Variants in DCDC2 observed in about 807,000 individuals in gnomAD.
The protein encoded by DCDC2 is doublecortin domain-containing protein 2.
Under a neutral mutation model 50.2 loss-of-function variants are expected in DCDC2, and 40 were observed. That is an observed-to-expected ratio of 0.80 (90% CI 0.62 to 1.04). DCDC2 has a LOEUF of 1.04. Among genes scored for constraint, DCDC2 ranks in the 50% least tolerant of loss-of-function variants. DCDC2 has a pLI of 0.00. For missense variants in DCDC2, 570 were observed against 581.9 expected (o/e 0.98, Z 0.21); for synonymous variants, 234 against 210.6 (o/e 1.11, Z -0.96).
At chr6:24,323,512 G>C (rs1759807382) in intron 2 of DCDC2, among the ~76,000 whole-genome samples, 1 of 152,202 alleles carries the variant, frequency 6.6e-6, no homozygotes, top group Admixed American at 6.5e-5. Flanking sequence ...AAGGAACTGG[G>C]TGAAGTAAGG....
intron 7 of DCDC2, among the ~76,000 whole-genome samples, chr6:24,234,202 T>C (rs887152648): frequency 4.0e-5 from 6 of 148,820 alleles, no homozygotes; most frequent in African/African-American, 7.4e-5. Flanking sequence ...GTTGGCCGTA[T>C]GAGGAAGGAG....
At chr6:24,321,320 G>T (rs147506205) in intron 2 of DCDC2, among the ~76,000 whole-genome samples, 117 of 152,228 alleles carry the variant, frequency 7.7e-4, no homozygotes, top group African/African-American at 2.6e-3. Flanking sequence ...CAGTATATTT[G>T]CATAGTCTCA....
chr6:24,317,151 A>C (rs1759686348), intron 2 of DCDC2, among the ~76,000 whole-genome samples: 2 of 152,226 alleles, frequency 1.3e-5, no homozygotes, highest in South Asian at 2.1e-4. Context: ...TATGAAATCC[A>C]ATTGTTTGAA....
intron 7 of DCDC2, among the ~76,000 whole-genome samples, chr6:24,223,656 C>T (rs539848954): frequency 1.4e-4 from 22 of 152,198 alleles, no homozygotes; most frequent in East Asian, 5.8e-4. Flanking sequence ...TTTGCATATC[C>T]GACTTACCTC....
chr6:24,282,259 T>TG (rs1763491663), intron 6 of DCDC2, among the ~76,000 whole-genome samples: 1 of 150,992 alleles, frequency 6.6e-6, no homozygotes, highest in African/African-American at 2.5e-5. Context: ...TGTTTTGTTT[T>TG]TTTTTGAGAC....
intron 4 of DCDC2, 89 bp downstream of exon 4, chr6:24,301,626 C>G (rs1759376775): frequency 5.9e-6 from 9 of 1,518,172 alleles, no homozygotes; most frequent in Non-Finnish European, 8.0e-6. Flanking sequence ...AGCCAAAATT[C>G]AAATCCACAG....
chr6:24,216,957 G>A (rs530970757), intron 7 of DCDC2, among the ~76,000 whole-genome samples: 6 of 152,274 alleles, frequency 3.9e-5, no homozygotes, highest in South Asian at 2.1e-4. Context: ...CAGGGGCTGC[G>A]AGGAAGTAGA....
At chr6:24,255,367 A>G (rs1762879710) in intron 7 of DCDC2, among the ~76,000 whole-genome samples, 1 of 139,322 alleles carries the variant, frequency 7.2e-6, no homozygotes, top group Admixed American at 7.1e-5. Flanking sequence ...AAGTCATAGC[A>G]CTGAAAAAAA....
chr6:24,216,621 G>A (rs1441705601), intron 7 of DCDC2, among the ~76,000 whole-genome samples: 1 of 152,234 alleles, frequency 6.6e-6, no homozygotes, highest in African/African-American at 2.4e-5. Context: ...CATCAAGACA[G>A]TCAGGGATGA....
At chr6:24,291,748 G>C (rs1049118377) in intron 4 of DCDC2, among the ~76,000 whole-genome samples, 1 of 152,006 alleles carries the variant, frequency 6.6e-6, no homozygotes, top group Admixed American at 6.5e-5. Context: ...GCCTCCCAAA[G>C]TGCTGGGATT....
At chr6:24,373,933 C>G in the DCDC2 span, among the ~76,000 whole-genome samples, 1 of 151,758 alleles carries the variant, frequency 6.6e-6, no homozygotes, top group East Asian at 1.9e-4. Context: ...GAGTCCGATG[C>G]GGGCAGATCA....
At position 24,357,909 on chromosome 6, in the gene DCDC2, G is replaced by A. The variant is rs772828266; in HGVS notation, c.-159C>T. 1 of 1,534,448 alleles carries A rather than the reference G, an allele frequency of 6.5e-7. No individual in the cohort carries two copies. The highest frequency in any genetic ancestry group is 2.1e-5 in the Admixed American group (1 of 48,326). On this transcript the variant is annotated 5_prime_UTR_variant, in exon 1 of 10. Coordinates refer to ENST00000378454, the MANE Select transcript of DCDC2 (RefSeq NM_016356.5). Reference sequence around the variant, plus strand: ...AAGAGAAGTAACGGCCGTGCGCCTAGGCGTCCACCCAGAGGAGACACTAGG... The same window carrying A: ...AAGAGAAGTAACGGCCGTGCGCCTAAGCGTCCACCCAGAGGAGACACTAGG...
At chr6:24,204,653 GGTAA>G (rs1433146749) in intron 8 of DCDC2, among the ~76,000 whole-genome samples, 22 of 152,140 alleles carry the variant, frequency 1.4e-4, no homozygotes, top group Middle Eastern at 3.4e-3. Flanking sequence ...TTTCTAAGTG[GGTAA>G]GTACTTTTAT....
At chr6:24,333,897 G>A (rs1018115419) in intron 2 of DCDC2, among the ~76,000 whole-genome samples, 3 of 152,166 alleles carry the variant, frequency 2.0e-5, no homozygotes, top group Admixed American at 2.0e-4. Context: ...AGAAACAGGA[G>A]TTATAACTGA....
At chr6:24,356,733 A>T (rs1306467312) in intron 1 of DCDC2, among the ~76,000 whole-genome samples, 1 of 152,208 alleles carries the variant, frequency 6.6e-6, no homozygotes, top group Non-Finnish European at 1.5e-5. Context: ...AAAGACAAGG[A>T]ATCATGCCTT....
chr6:24,211,679 C>CA, intron 7 of DCDC2, among the ~76,000 whole-genome samples: 1 of 152,208 alleles, frequency 6.6e-6, no homozygotes, highest in Admixed American at 6.5e-5. Flanking sequence ...GGAAAGGCCA[C>CA]AAGTCAAGGA....
rs769416415 is a variant in DCDC2 at position 24,288,900 on chromosome 6, T to C, written c.711A>G (p.Lys237=). The change falls in exon 6 of 10, where the codon AAA becomes AAG. Residue 237 remains lysine (K), a synonymous_variant. Coordinates refer to ENST00000378454, the MANE Select transcript of DCDC2 (RefSeq NM_016356.5). The stretch of plus-strand genomic sequence containing the variant: ...CTACAATAGGAGGTAGTGAAGAAGC[T>C]TTCTGACTGTGGAAACAAATTGCAA... ...KSTMRRPFGQ[K]ASSLPPIVGS... 1 of 1,599,050 alleles carries C rather than the reference T, an allele frequency of 6.3e-7. No individual in the cohort carries two copies. Among genetic ancestry groups the C allele is most frequent in the South Asian group, 1.1e-5 (1 of 87,772 alleles).
intron 7 of DCDC2, among the ~76,000 whole-genome samples, chr6:24,235,882 C>T (rs1223706386): frequency 6.6e-6 from 1 of 152,072 alleles, no homozygotes; most frequent in Non-Finnish European, 1.5e-5. Flanking sequence ...AATAAAACAC[C>T]TAAGAATACA....
intron 7 of DCDC2, among the ~76,000 whole-genome samples, chr6:24,218,876 G>T (rs1413043060): frequency 6.6e-6 from 1 of 152,154 alleles, no homozygotes; most frequent in Non-Finnish European, 1.5e-5. Flanking sequence ...TATGATTGGG[G>T]TTCATCAAAT....
Sources: allele counts gnomAD v4.1 joint callset (sites outside exome capture counted in the v4.1 genomes callset), GRCh38; gene constraint gnomAD v4.1.1; transcripts MANE v1.5; gene names NCBI Gene and HGNC (gene_info 2026-07-23, HGNC 2026-07-21).